Variants in PXDNL observed in about 807,000 individuals in gnomAD.
The protein encoded by PXDNL is probable oxidoreductase PXDNL.
Under a neutral mutation model 150.8 loss-of-function variants are expected in PXDNL, and 145 were observed. The observed-to-expected ratio is 0.96, with a 90% confidence interval of 0.84 to 1.10. PXDNL has a LOEUF of 1.10. PXDNL is among the 50% of genes least tolerant of loss of function. The pLI is 0.00. For missense variants in PXDNL, 2,087 were observed against 1,873.9 expected, an observed-to-expected ratio of 1.11 and a Z score of -2.10; for synonymous variants, 757 against 725.7, an observed-to-expected ratio of 1.04 and a Z score of -0.69.
rs199586575 is a variant in PXDNL, at chr8:51,374,615, C to T, written c.3674G>A (p.Arg1225Gln). 9.8e-4 allele frequency: 1,587 copies of T among 1,613,698 alleles called. No homozygotes were observed. The highest frequency in any genetic ancestry group is 1.3e-3 in the Non-Finnish European group (1,514 of 1,179,860). ...CATTCACCTATCTCCATCTCTTAGC[C>T]GCTGAAACTGGGTAACAAACAGGCA... ...LMCLFVTQFQ[R>Q]LRDGDRFWYE... is the part of the protein sequence containing the mutation. The change falls in exon 18 of 23, where the codon CGG (arginine) becomes CAG (glutamine). Residue 1225 changes from arginine to glutamine, a missense_variant. Physicochemically the swap from Arg to Gln is conservative, Grantham distance 43. Coordinates refer to ENST00000356297, the MANE Select transcript of PXDNL (RefSeq NM_144651.5).
chr8:51,794,549 T>C (rs2037542568), intron 1 of PXDNL, among the ~76,000 whole-genome samples: 1 of 152,126 alleles, frequency 6.6e-6, no homozygotes, highest in Admixed American at 6.6e-5. Context: ...GAATTTCATA[T>C]CTGCCAAACT....
chr8:51,526,088 C>A (rs990431469), intron 4 of PXDNL, among the ~76,000 whole-genome samples: 1 of 152,182 alleles, frequency 6.6e-6, no homozygotes, highest in Non-Finnish European at 1.5e-5. Context: ...GAAATGCCAT[C>A]ATTTTACTAT....
intron 1 of PXDNL, among the ~76,000 whole-genome samples, chr8:51,664,299 A>ATT: frequency 6.6e-6 from 1 of 152,288 alleles, no homozygotes; most frequent in Admixed American, 6.5e-5. Flanking sequence ...CCAAAGCATA[A>ATT]CCTCTTGAAT....
intron 3 of PXDNL, among the ~76,000 whole-genome samples, chr8:51,576,266 T>C (rs1813052663): frequency 1.4e-5 from 2 of 147,636 alleles, no homozygotes; most frequent in Admixed American, 6.8e-5. Context: ...AGAATACATA[T>C]CAAGATAGAT....
chr8:51,411,741 T>G (rs1266368500), intron 15 of PXDNL, among the ~76,000 whole-genome samples: 1 of 152,216 alleles, frequency 6.6e-6, no homozygotes, highest in Non-Finnish European at 1.5e-5. Flanking sequence ...GTAAACCTTC[T>G]GAAGTACTAT....
chr8:51,726,924 G>A (rs1816826779), intron 1 of PXDNL, among the ~76,000 whole-genome samples: 1 of 152,096 alleles, frequency 6.6e-6, no homozygotes, highest in Non-Finnish European at 1.5e-5. Context: ...TTTTAGTAAG[G>A]ACTTTCAACC....
chr8:51,433,613 T>A (rs1367816), intron 12 of PXDNL, among the ~76,000 whole-genome samples: 144,195 of 152,048 alleles, frequency 0.95, 68,623 homozygotes, highest in Non-Finnish European at 0.99. Context: ...TGCTGCCACT[T>A]CTCCTTTCTT....
At chr8:51,470,232 G>A (rs760964688) in intron 8 of PXDNL, among the ~76,000 whole-genome samples, 11 of 152,004 alleles carry the variant, frequency 7.2e-5, no homozygotes, top group Non-Finnish European at 1.5e-4. Flanking sequence ...AGTCTTTCTC[G>A]TGGGCTAGTT....
intron 4 of PXDNL, among the ~76,000 whole-genome samples, chr8:51,551,225 A>C (rs1422861084): frequency 6.6e-6 from 1 of 152,234 alleles, no homozygotes; most frequent in Non-Finnish European, 1.5e-5. Flanking sequence ...GATGGGTAGA[A>C]TCAGTATTAT....
chr8:51,633,706 T>C (rs1412959360), intron 2 of PXDNL, among the ~76,000 whole-genome samples: 1 of 152,126 alleles, frequency 6.6e-6, no homozygotes, highest in African/African-American at 2.4e-5. Flanking sequence ...TTTACTGTGG[T>C]TTCAATTTGC....
chr8:51,492,472 A>C lies in PXDNL; in HGVS notation c.452+7227T>G, dbSNP rs566873982. Among the ~76,000 whole-genome samples the C allele has an allele frequency of 1.4e-3, 210 of 152,320 alleles. 1 individual carries two copies. Among genetic ancestry groups the C allele is most frequent in the African/African-American group, 4.7e-3 (195 of 41,582 alleles). On this transcript the variant is annotated intron_variant, in intron 5 of 22. Coordinates refer to ENST00000356297, the MANE Select transcript of PXDNL (RefSeq NM_144651.5). ...GTGCAGCACACTGAGCATGAGCCAA[A>C]GCTGGGCAAGGCATCACCTCACCCA...
intron 1 of PXDNL, among the ~76,000 whole-genome samples, chr8:51,798,147 C>A (rs1032216416): frequency 6.6e-6 from 1 of 152,086 alleles, no homozygotes; most frequent in South Asian, 2.1e-4. Flanking sequence ...AAACTGGACT[C>A]ATTATACAAA....
Position 51,654,703 on chromosome 8 carries a change from C to T in PXDNL, c.222G>A (p.Lys74=). ...TAAGTACTCACAGTGTGTTCAAATT[C>T]TTGAGTTTCTTGAAGGCGCTCCCTG... is the stretch of plus-strand genomic sequence containing the variant. ...EIPGSAFKKL[K]NLNTLLLNNN... is the part of the protein sequence containing the mutation. The change falls in exon 2 of 23, where the codon AAG becomes AAA. Residue 74 remains lysine, a synonymous_variant. Transcript: ENST00000356297. 6.2e-7 allele frequency: 1 copy of T among 1,612,934 alleles called. No individual in the cohort carries two copies. The highest frequency in any genetic ancestry group is 8.5e-7 in the Non-Finnish European group (1 of 1,179,272).
intron 8 of PXDNL, among the ~76,000 whole-genome samples, chr8:51,458,820 TAAG>T (rs1360190903): frequency 6.6e-6 from 1 of 152,164 alleles, no homozygotes; most frequent in South Asian, 2.1e-4. Context: ...TTGTGAAAGA[TAAG>T]AAAGAAACAG....
At chr8:51,754,050 A>G (rs566285768) in intron 1 of PXDNL, among the ~76,000 whole-genome samples, 2 of 152,264 alleles carry the variant, frequency 1.3e-5, no homozygotes, top group South Asian at 4.1e-4. Flanking sequence ...CCAAGGATTT[A>G]TACAGAAAGT....
intron 5 of PXDNL, among the ~76,000 whole-genome samples, chr8:51,491,323 T>C (rs554637893): frequency 6.6e-6 from 1 of 152,254 alleles, no homozygotes; most frequent in African/African-American, 2.4e-5. Context: ...TAGACAATTA[T>C]GATGGCAACA....
intron 1 of PXDNL, among the ~76,000 whole-genome samples, chr8:51,759,068 G>A (rs2037133728): frequency 6.6e-6 from 1 of 152,164 alleles, no homozygotes; most frequent in South Asian, 2.1e-4. Context: ...AGGAGTCAGG[G>A]TTTCAGGGTG....
intron 1 of PXDNL, among the ~76,000 whole-genome samples, chr8:51,790,944 T>A (rs1409895273): frequency 6.6e-6 from 1 of 151,748 alleles, no homozygotes; most frequent in African/African-American, 2.4e-5. Context: ...ATCCAGAATC[T>A]TTTAGAATTT....
chr8:51,723,462 C>G (rs552145930), intron 1 of PXDNL, among the ~76,000 whole-genome samples: 3 of 152,198 alleles, frequency 2.0e-5, no homozygotes, highest in African/African-American at 7.2e-5. Flanking sequence ...CAGTCCTGCA[C>G]GGGCGATATC....
Sources: gnomAD v4.1 joint callset for allele counts (sites outside exome capture counted in the v4.1 genomes callset) on GRCh38, gnomAD v4.1.1 for gene constraint, MANE v1.5 for transcripts, NCBI Gene and HGNC (gene_info 2026-07-23, HGNC 2026-07-21) for gene names.